MAP3K19: variants seen among roughly 807,000 people sequenced by gnomAD.
The protein encoded by MAP3K19 is mitogen-activated protein kinase kinase kinase 19.
In MAP3K19, 91 loss-of-function variants were observed where a neutral mutation model predicts 114.4. The observed-to-expected ratio is 0.80, with a 90% CI of 0.67 to 0.95. The LOEUF (loss-of-function observed/expected upper bound fraction) is 0.95, where lower values mean the gene tolerates loss of function less well. MAP3K19 is among the 40% of genes least tolerant of loss of function. MAP3K19 has a pLI of 0.00. For synonymous variants in MAP3K19, 518 were observed against 530.5 expected (o/e 0.98, Z 0.32); for missense variants, 1,471 against 1,573.2 (o/e 0.94, Z 1.10).
At chr2:134,968,797 C>G (rs1683629824) in intron 12 of MAP3K19, among the ~76,000 whole-genome samples, 1 of 151,648 alleles carries the variant, frequency 6.6e-6, no homozygotes, top group Admixed American at 6.6e-5. Flanking sequence ...GTGATGGCGG[C>G]TGGGAAGAGG....
At chr2:135,018,227 G>T (rs1048989542) in intron 5 of MAP3K19, among the ~76,000 whole-genome samples, 1 of 141,972 alleles carries the variant, frequency 7.0e-6, no homozygotes, top group Non-Finnish European at 1.5e-5. Context: ...GGCAGCGGAG[G>T]TTGTGGTGAG....
intron 12 of MAP3K19, among the ~76,000 whole-genome samples, chr2:134,977,047 GAAAAAAAA>G (rs369837575): frequency 1.4e-3 from 157 of 116,180 alleles, no homozygotes; most frequent in African/African-American, 4.0e-3. Flanking sequence ...CTCCGTCTCG[GAAAAAAAA>G]AAAAAAAAAA....
Position 134,991,568 on chromosome 2 carries a change from G to A in MAP3K19, c.587C>T (p.Ser196Phe). The change falls in exon 9 of 13, where the codon TCT becomes TTT. Residue 196 changes from serine to phenylalanine, a missense_variant. Coordinates refer to ENST00000392915, the MANE Select transcript of MAP3K19 (RefSeq NM_025052.5). ...QQRKSEEFST[S>F]HMKYSGRSIK... ...GCTTCGGCCACTGTACTTCATATGAGAGGTCGAAAACTCTACAACAAGAAA... is the reference window on the plus strand; with the variant it reads ...GCTTCGGCCACTGTACTTCATATGAAAGGTCGAAAACTCTACAACAAGAAA... 1.2e-6 allele frequency: 2 copies of A among 1,613,594 alleles called. No homozygotes were observed. The highest frequency in any genetic ancestry group is 1.1e-5 in the South Asian group (1 of 91,064).
intron 2 of MAP3K19, among the ~76,000 whole-genome samples, chr2:135,032,618 T>C (rs1196147942): frequency 6.6e-6 from 1 of 151,078 alleles, no homozygotes; most frequent in Non-Finnish European, 1.5e-5. Context: ...TTATTTTATT[T>C]ATTTATTTTT....
At chr2:134,988,668 G>T (rs1390791926) in intron 9 of MAP3K19, among the ~76,000 whole-genome samples, 1 of 152,042 alleles carries the variant, frequency 6.6e-6, no homozygotes, top group African/African-American at 2.4e-5. Flanking sequence ...GGAATTACAG[G>T]CATGAGCCAC....
intron 6 of MAP3K19, among the ~76,000 whole-genome samples, chr2:135,004,207 T>C (rs758108392): frequency 6.6e-6 from 1 of 152,212 alleles, no homozygotes; most frequent in African/African-American, 2.4e-5. Context: ...TGGAAGGTGC[T>C]TGGGACACCA....
intron 9 of MAP3K19, among the ~76,000 whole-genome samples, chr2:134,990,414 A>T (rs1003517389): frequency 6.6e-6 from 1 of 151,806 alleles, no homozygotes; most frequent in Non-Finnish European, 1.5e-5. Context: ...ACTTCCACTT[A>T]ATGAAGAGTA....
At chr2:135,025,215 T>C (rs1688205708) in intron 3 of MAP3K19, among the ~76,000 whole-genome samples, 1 of 152,004 alleles carries the variant, frequency 6.6e-6, no homozygotes, top group Non-Finnish European at 1.5e-5. Context: ...ATTTCTTTTT[T>C]CTAATGCTAA....
rs776985425 is a variant in MAP3K19, at chr2:134,964,593, ACAAT to A, written c.*253_*256del. 159 of 285,938 alleles carry A rather than the reference ACAAT, an allele frequency of 5.6e-4. No homozygotes were observed. Among genetic ancestry groups the A allele is most frequent in the Non-Finnish European group, 4.0e-4 (61 of 152,732 alleles). The allele number at this position is 285,938 out of a possible 1,614,324, so 17.7% of individuals were successfully genotyped here. Reference sequence around the variant, plus strand: ...AAACAATAGAGAATGTAGTTCCTGGACAATCAAAACTGTAAACACTGAAATAGTT... The same window carrying A: ...AAACAATAGAGAATGTAGTTCCTGGACAAAACTGTAAACACTGAAATAGTT... On this transcript the variant is annotated 3_prime_UTR_variant, in exon 13 of 13. Transcript: ENST00000392915.
Position 135,009,265 on chromosome 2 carries a change from G to A in MAP3K19, c.139-3734C>T, listed in dbSNP as rs181508496. Among the ~76,000 whole-genome samples, 345 of 151,836 alleles carry A rather than the reference G, an allele frequency of 2.3e-3. 12 individuals carry two copies. Among genetic ancestry groups the A allele is most frequent in the Admixed American group, 0.02 (304 of 15,234 alleles). On this transcript the variant is annotated intron_variant, in intron 5 of 12. Transcript: ENST00000392915. ...CAGGCACCTGCCACCACGTCTGGCC[G>A]ACTTTTCATTTTATTATATTTAATG... is the stretch of plus-strand genomic sequence containing the variant.
intron 11 of MAP3K19, among the ~76,000 whole-genome samples, chr2:134,982,039 C>T (rs7579438): frequency 0.29 from 44,128 of 150,160 alleles, 7,256 homozygotes; most frequent in Middle Eastern, 0.61. Flanking sequence ...GCTAGGATCA[C>T]AGGTGTGTGC....
intron 8 of MAP3K19, among the ~76,000 whole-genome samples, chr2:134,996,553 T>A (rs770514959): frequency 6.6e-6 from 1 of 152,162 alleles, no homozygotes. Context: ...ACTCATCCAG[T>A]CTTGGGAAGT....
At chr2:135,040,005 G>C (rs570756676) in intron 2 of MAP3K19, among the ~76,000 whole-genome samples, 1 of 152,098 alleles carries the variant, frequency 6.6e-6, no homozygotes. Context: ...CCAGGTTTAC[G>C]TGCATTTGTT....
At chr2:134,973,641 GTTGGT>G (rs1416812096) in intron 12 of MAP3K19, among the ~76,000 whole-genome samples, 2 of 151,900 alleles carry the variant, frequency 1.3e-5, no homozygotes, top group Non-Finnish European at 2.9e-5. Flanking sequence ...TTGTTTTCTG[GTTGGT>G]TTGTTTGTTT....
intron 5 of MAP3K19, among the ~76,000 whole-genome samples, chr2:135,010,188 T>C (rs1380176357): frequency 1.3e-5 from 2 of 150,872 alleles, no homozygotes; most frequent in Non-Finnish European, 3.0e-5. Flanking sequence ...GAAAAAATAA[T>C]AATAAAAGAT....
At chr2:135,033,464 A>AC (rs1276071719) in intron 2 of MAP3K19, among the ~76,000 whole-genome samples, 2 of 78,240 alleles carry the variant, frequency 2.6e-5, no homozygotes, top group Admixed American at 1.5e-4. Flanking sequence ...GGCGCCCCCC[A>AC]CCCCCCGGAC....
chr2:135,031,310 G>A lies in MAP3K19; in HGVS notation c.-283-810C>T, dbSNP rs185006386. On this transcript the variant is annotated intron_variant, in intron 2 of 12. Coordinates refer to ENST00000392915, the MANE Select transcript of MAP3K19 (RefSeq NM_025052.5). ...TTGGAGAAAGTGATGTCTAAGCTGA[G>A]ACCTGAGGAATCAGACTCAGCCAGG... Among the ~76,000 whole-genome samples the A allele has an allele frequency of 3.9e-4, 60 of 152,260 alleles. No individual in the cohort carries two copies. The East Asian group carries it at 8.1e-3, about 21-fold the overall frequency.
intron 5 of MAP3K19, among the ~76,000 whole-genome samples, chr2:135,019,466 G>A (rs1172038695): frequency 1.3e-5 from 2 of 152,138 alleles, no homozygotes; most frequent in African/African-American, 4.8e-5. Context: ...GAGGCAGGAG[G>A]ATTGCTTGAG....
At chr2:135,045,355 C>G (rs1274567266) in intron 1 of MAP3K19, among the ~76,000 whole-genome samples, 1 of 152,148 alleles carries the variant, frequency 6.6e-6, no homozygotes. Context: ...AATCAGGACA[C>G]AGAAATAATT....
Sources: gnomAD v4.1 joint callset for allele counts (sites outside exome capture counted in the v4.1 genomes callset) on GRCh38, gnomAD v4.1.1 for gene constraint, MANE v1.5 for transcripts, NCBI Gene and HGNC (gene_info 2026-07-23, HGNC 2026-07-21) for gene names.